SCOC: variants seen among roughly 807,000 people sequenced by gnomAD.
SCOC encodes the protein short coiled-coil protein, also known as short coiled coil protein.
Under a neutral mutation model 9.9 loss-of-function variants are expected in SCOC, and 7 were observed. That is an observed-to-expected ratio of 0.71 (90% CI 0.40 to 1.33). The LOEUF (loss-of-function observed/expected upper bound fraction) is 1.33. Ranked by LOEUF, SCOC falls within the 40% of genes most tolerant of loss-of-function variation. The pLI is 0.01. For synonymous variants in SCOC, 19 were observed against 28.2 expected (o/e 0.67, Z 1.03); for missense variants, 66 against 89.7 (o/e 0.74, Z 1.07).
At chr4:140,350,061 C>G (rs1365950587) in intron 2 of SCOC, among the ~76,000 whole-genome samples, 1 of 152,232 alleles carries the variant, frequency 6.6e-6, no homozygotes, top group African/African-American at 2.4e-5. Flanking sequence ...GTTCATGCCT[C>G]TGCATGCTGT....
intron 1 of SCOC, among the ~76,000 whole-genome samples, chr4:140,328,502 T>C (rs1471221435): frequency 6.6e-6 from 1 of 152,162 alleles, no homozygotes; most frequent in African/African-American, 2.4e-5. Flanking sequence ...AACAAATTAT[T>C]CCTCACAGTT....
At chr4:140,361,232 T>G (rs1727452784) in intron 2 of SCOC, among the ~76,000 whole-genome samples, 2 of 150,056 alleles carry the variant, frequency 1.3e-5, no homozygotes. Context: ...CAGTGGGTTT[T>G]TTTTTTTTTT....
rs149772255 is a variant in SCOC at position 140,327,372 on chromosome 4, A to G, written c.-18-16249A>G. Among the ~76,000 whole-genome samples, 18 of 152,198 alleles carry G rather than the reference A, an allele frequency of 1.2e-4. No individual in the cohort carries two copies. In the East Asian group the frequency reaches 3.5e-3, roughly 29 times the overall value. On this transcript the variant is annotated intron_variant, in intron 1 of 4. Coordinates refer to the SCOC transcript ENST00000394205. Reference sequence around the variant, plus strand: ...TTCAAAATCCTGCACCATCAAACTGATCTGTTTTGAACTATATGGAGCTCT... The same window carrying G: ...TTCAAAATCCTGCACCATCAAACTGGTCTGTTTTGAACTATATGGAGCTCT...
At chr4:140,264,848 C>T (rs1402930376) in intron 1 of SCOC, among the ~76,000 whole-genome samples, 1 of 152,144 alleles carries the variant, frequency 6.6e-6, no homozygotes, top group Non-Finnish European at 1.5e-5. Context: ...TGCTCTGCTT[C>T]GTTTAGAGTG....
chr4:140,287,187 C>T (rs1731302558), intron 1 of SCOC, among the ~76,000 whole-genome samples: 2 of 148,638 alleles, frequency 1.3e-5, no homozygotes, highest in South Asian at 2.2e-4. Context: ...TACACACATG[C>T]TACACACACA....
In SCOC at chr4:140,373,684, G is replaced by T. The variant is rs1728173866; in HGVS notation, c.-84G>T. On this transcript the variant is annotated 5_prime_UTR_variant, in exon 1 of 4. Transcript: ENST00000608372. The stretch of plus-strand genomic sequence containing the variant: ...AGTGTCCCGGCCTGAGGTGTCGGCC[G>T]GATCCCTCCTTCTCCCGGCGCCTCA... The T allele has an allele frequency of 6.5e-7, 1 of 1,550,362 alleles. No individual in the cohort carries two copies. Among genetic ancestry groups the T allele is most frequent in the African/African-American group, 1.4e-5 (1 of 73,030 alleles).
chr4:140,286,921 T>TG (rs1731288319), intron 1 of SCOC, among the ~76,000 whole-genome samples: 2 of 152,084 alleles, frequency 1.3e-5, no homozygotes, highest in African/African-American at 4.8e-5. Flanking sequence ...GAGGGCTCCC[T>TG]GACTACCCAG....
upstream of SCOC, among the ~76,000 whole-genome samples, chr4:140,372,132 C>T (rs1728081975): frequency 6.6e-6 from 1 of 152,062 alleles, no homozygotes; most frequent in South Asian, 2.1e-4. Flanking sequence ...GAGAGTTGCT[C>T]TTTAATAGGT....
In SCOC at chr4:140,309,950, C is replaced by A. The variant is rs1311921278; in HGVS notation, c.-18-33671C>A. Among the ~76,000 whole-genome samples the A allele has an allele frequency of 2.0e-5, 3 of 152,102 alleles. No homozygotes were observed. In the South Asian group the frequency reaches 6.2e-4, roughly 32 times the overall value. ...TGCCAAGTTCTAAATGTTTTCATTGCCTCCTTAGGTGGCTCTATGCCCTTT... is the reference window on the plus strand; with the variant it reads ...TGCCAAGTTCTAAATGTTTTCATTGACTCCTTAGGTGGCTCTATGCCCTTT... On this transcript the variant is annotated intron_variant, in intron 1 of 4. Coordinates refer to the SCOC transcript ENST00000394205.
chr4:140,365,172 CAAAAA>C (rs3034544), intron 2 of SCOC, among the ~76,000 whole-genome samples: 1 of 141,582 alleles, frequency 7.1e-6, no homozygotes, highest in African/African-American at 2.6e-5. Flanking sequence ...ATGGATATGG[CAAAAA>C]AAAAAAAAAA....
At chr4:140,286,482 A>C (rs533753599) in intron 1 of SCOC, among the ~76,000 whole-genome samples, 3 of 152,346 alleles carry the variant, frequency 2.0e-5, no homozygotes, top group African/African-American at 7.2e-5. Context: ...TGCAGCTTCC[A>C]ACAGATGAGA....
intron 1 of SCOC, among the ~76,000 whole-genome samples, chr4:140,316,963 C>T (rs1191661360): frequency 6.6e-6 from 1 of 152,096 alleles, no homozygotes; most frequent in Non-Finnish European, 1.5e-5. Context: ...CGGAGCCTCC[C>T]CTCCCTTCTC....
intron 1 of SCOC, among the ~76,000 whole-genome samples, chr4:140,311,908 C>T (rs1293673432): frequency 6.6e-6 from 1 of 152,108 alleles, no homozygotes; most frequent in African/African-American, 2.4e-5. Context: ...TTTCTGCCAC[C>T]TAAAAATTTT....
chr4:140,361,259 A>G (rs774585962), intron 2 of SCOC, among the ~76,000 whole-genome samples: 12 of 150,990 alleles, frequency 7.9e-5, no homozygotes, highest in Non-Finnish European at 1.5e-5. Flanking sequence ...AAGTGATGCT[A>G]AGAGTACACT....
intron 1 of SCOC, among the ~76,000 whole-genome samples, chr4:140,294,619 T>C (rs903995208): frequency 5.9e-5 from 9 of 152,256 alleles, no homozygotes; most frequent in African/African-American, 9.6e-5. Context: ...GCTCTGTTTC[T>C]TGGGCTAGTG....
At chr4:140,358,123 T>C (rs1371151337) in intron 2 of SCOC, among the ~76,000 whole-genome samples, 1 of 152,208 alleles carries the variant, frequency 6.6e-6, no homozygotes, top group East Asian at 1.9e-4. Context: ...TCACACTCCC[T>C]ATTGTATTGA....
upstream of SCOC, among the ~76,000 whole-genome samples, chr4:140,371,711 T>C (rs1040535505): frequency 2.0e-5 from 3 of 152,228 alleles, no homozygotes; most frequent in Admixed American, 2.0e-4. Context: ...AAAGTTGCTT[T>C]AAAATAGAAT....
At chr4:140,290,271 A>G (rs1731432151) in intron 1 of SCOC, among the ~76,000 whole-genome samples, 1 of 152,246 alleles carries the variant, frequency 6.6e-6, no homozygotes, top group Non-Finnish European at 1.5e-5. Flanking sequence ...GTTAGCTTAC[A>G]GGCAGGGTAA....
At chr4:140,366,816 G>T in intron 2 of SCOC, 3 of 1,054,380 alleles carry the variant, frequency 2.8e-6, no homozygotes, top group Non-Finnish European at 4.5e-6. Flanking sequence ...GTCCAGAGGG[G>T]ATGTAGCCCA....
Sources: allele counts gnomAD v4.1 joint callset (sites outside exome capture counted in the v4.1 genomes callset), GRCh38; gene constraint gnomAD v4.1.1; transcripts MANE v1.5; gene names NCBI Gene and HGNC (gene_info 2026-07-23, HGNC 2026-07-21).